The following IFT122 variants were observed in gnomAD, a reference collection of about 807,000 sequenced individuals.
The protein encoded by IFT122 is intraflagellar transport 122.
Under a neutral mutation model 161.6 loss-of-function variants are expected in IFT122, and 118 were observed. The observed-to-expected ratio is 0.73, with a 90% CI of 0.63 to 0.85. IFT122 has a LOEUF of 0.85. IFT122 is among the 40% of genes least tolerant of loss of function. The pLI is 0.00. For synonymous variants in IFT122, 550 were observed against 602.4 expected (o/e 0.91, Z 1.27); for missense variants, 1,381 against 1,579.6 (o/e 0.87, Z 2.13).
chr3:129,520,417 A>G lies in IFT122; in HGVS notation c.*152A>G, dbSNP rs1316453690. 2.9e-6 allele frequency: 2 copies of G among 697,054 alleles called. No individual in the cohort carries two copies. The highest frequency in any genetic ancestry group is 1.7e-5 in the African/African-American group (1 of 57,166). 43.2% of individuals were successfully genotyped at this position (697,054 alleles called of 1,614,324 possible). A position where few individuals can be genotyped will look rare whatever the true frequency, so the allele number is the denominator to read the frequency against. On this transcript the variant is annotated 3_prime_UTR_variant, in exon 30 of 30. Transcript: ENST00000348417. ...GGCCTTGTGTAACCACGGAATTCCT[A>G]TTTATGGCATTTCATGCCTTGTAAA...
chr3:129,460,764 A>G, intron 4 of IFT122: 2 of 991,034 alleles, frequency 2.0e-6, no homozygotes, highest in Non-Finnish European at 3.2e-6. Flanking sequence ...TATTACCCAC[A>G]AGTGAAGGAC....
At chr3:129,500,116 C>T in intron 19 of IFT122, 48 bp downstream of exon 19, 1 of 1,596,556 alleles carries the variant, frequency 6.3e-7, no homozygotes, top group Non-Finnish European at 8.6e-7. Context: ...CATGTCATCA[C>T]ATGTCACCTC....
intron 1 of IFT122, among the ~76,000 whole-genome samples, chr3:129,441,271 CT>C (rs1457391430): frequency 6.6e-6 from 1 of 152,210 alleles, no homozygotes; most frequent in Non-Finnish European, 1.5e-5. Flanking sequence ...CTTCTGAGAT[CT>C]TTCTCTGTGT....
intron 22 of IFT122, among the ~76,000 whole-genome samples, 181 bp from the exon 23 acceptor site, chr3:129,507,487 T>C (rs899682245): frequency 6.6e-6 from 1 of 152,222 alleles, no homozygotes; most frequent in African/African-American, 2.4e-5. Context: ...GGAGTGGCCC[T>C]ACTCCTAAGC....
rs1057440121 is a variant in IFT122 at position 129,519,646 on chromosome 3, A to G, written c.3550A>G (p.Lys1184Glu). ...RSMSRRDVLI[K>E]RWPPPLRWQY... ...CATGAGCCGCCGGGATGTCCTCATC[A>G]AGCGATGGCCCCCACCCCTGAGGTG... Residue 1184 changes from lysine to glutamate, a missense_variant, in exon 29 of 30, where the codon AAG becomes GAG. Lys to Glu is a moderately conservative substitution (Grantham distance 56). This residue lies in a region of IFT122 where 177 missense variants were observed against 199.2 expected (regional missense o/e 0.89). Transcript: ENST00000348417. 6.2e-7 allele frequency: 1 copy of G among 1,613,584 alleles called. No individual in the cohort carries two copies. The highest frequency in any genetic ancestry group is 1.3e-5 in the African/African-American group (1 of 74,900).
intron 2 of IFT122, 36 bp from the exon 3 acceptor site, chr3:129,451,878 A>G (rs1202843966): frequency 3.3e-6 from 5 of 1,530,092 alleles, no homozygotes; most frequent in Non-Finnish European, 4.5e-6. Context: ...ACTAATAGAT[A>G]TCACATAGAT....
At chr3:129,502,378 G>A (rs571427820) in intron 19 of IFT122, among the ~76,000 whole-genome samples, 123 of 152,346 alleles carry the variant, frequency 8.1e-4, no homozygotes, top group African/African-American at 2.9e-3. Flanking sequence ...TTAGGGTGGT[G>A]AAGATTCTGA....
intron 3 of IFT122, among the ~76,000 whole-genome samples, chr3:129,452,928 G>A (rs1446577382): frequency 6.6e-6 from 1 of 152,128 alleles, no homozygotes; most frequent in Non-Finnish European, 1.5e-5. Context: ...GGAGGGTGGA[G>A]CCAACTGGAT....
At chr3:129,517,660 G>A (rs1394167895) in intron 27 of IFT122, 66 bp downstream of exon 27, 1 of 1,589,360 alleles carries the variant, frequency 6.3e-7, no homozygotes, top group Non-Finnish European at 8.6e-7. Context: ...CAGGCGGGAA[G>A]TAGGAGGGCC....
chr3:129,440,396 G>T, intron 1 of IFT122, 25 bp downstream of exon 1: 2 of 1,550,154 alleles, frequency 1.3e-6, no homozygotes, highest in South Asian at 1.2e-5. Flanking sequence ...GGTTCGCGAA[G>T]AGCAGGAGGT....
intron 5 of IFT122, 101 bp from the exon 6 acceptor site, chr3:129,463,459 A>G: frequency 1.1e-6 from 1 of 889,400 alleles, no homozygotes; most frequent in Admixed American, 1.8e-5. Context: ...AAAATCCTGG[A>G]GATCCATCTA....
At chr3:129,483,361 C>T in intron 14 of IFT122, 124 bp from the exon 15 acceptor site, 1 of 829,852 alleles carries the variant, frequency 1.2e-6, no homozygotes, top group East Asian at 2.5e-5. Context: ...CATCCTTTTC[C>T]CTCCATCCCA....
rs748272790 is a variant in IFT122, at chr3:129,464,734, G to T, written c.516G>T (p.Pro172=). The T allele has an allele frequency of 6.2e-7, 1 of 1,613,992 alleles. No homozygotes were observed. The highest frequency in any genetic ancestry group is 1.1e-5 in the South Asian group (1 of 91,070). Residue 172 remains proline (P), a synonymous_variant, in exon 7 of 30, where the codon CCG becomes CCT. Transcript: ENST00000348417. The stretch of plus-strand genomic sequence containing the variant: ...AGGAGAAAGTAAAGATCGAGCGGCC[G>T]GGGGGCTCCCTCTCGCCAATATGGT... ...NGEEKVKIER[P]GGSLSPIWSI... is the part of the protein sequence containing the mutation.
At chr3:129,446,897 G>A (rs1374872116) in intron 1 of IFT122, among the ~76,000 whole-genome samples, 1 of 152,220 alleles carries the variant, frequency 6.6e-6, no homozygotes, top group East Asian at 1.9e-4. Flanking sequence ...TGTGTGTTTT[G>A]TTTTGAGTAA....
At position 129,464,621 on chromosome 3, in the gene IFT122, G is replaced by C; in HGVS notation, c.417-14G>C. The C allele has an allele frequency of 6.2e-7, 1 of 1,614,020 alleles. No homozygotes were observed. The highest frequency in any genetic ancestry group is 8.5e-7 in the Non-Finnish European group (1 of 1,179,992). On this transcript the variant is annotated splice_polypyrimidine_tract_variant and intron_variant, in intron 6 of 29. Coordinates refer to ENST00000348417, the MANE Select transcript of IFT122 (RefSeq NM_052989.3). ...TTCCCCTATCCCCATGCCTTTTGTT[G>C]GTTGTGTACACAGCTGGACAAATGA...
intron 17 of IFT122, 100 bp downstream of exon 17, chr3:129,492,294 C>G (rs1387739362): frequency 1.0e-6 from 1 of 967,266 alleles, no homozygotes; most frequent in Non-Finnish European, 1.7e-6. Flanking sequence ...GACATGGGAA[C>G]AGAGCTCACT....
At chr3:129,504,185 G>T (rs971243845) in intron 20 of IFT122, 134 bp from the exon 21 acceptor site, 126 of 662,016 alleles carry the variant, frequency 1.9e-4, no homozygotes, top group Middle Eastern at 4.5e-4. Context: ...GTAGTTTTTT[G>T]GGGGAGGCAC....
intron 7 of IFT122, among the ~76,000 whole-genome samples, chr3:129,466,267 G>T (rs1254156200): frequency 6.6e-6 from 1 of 152,106 alleles, no homozygotes; most frequent in Non-Finnish European, 1.5e-5. Context: ...AGGTTATTAT[G>T]CTTCTTCCTG....
intron 21 of IFT122, among the ~76,000 whole-genome samples, chr3:129,505,261 G>T (rs2082073650): frequency 6.6e-6 from 1 of 152,166 alleles, no homozygotes. Context: ...TGATTTTTCT[G>T]TTTTGCTGCC....
Sources: gnomAD v4.1 joint callset for allele counts (sites outside exome capture counted in the v4.1 genomes callset) on GRCh38, gnomAD v4.1.1 for gene constraint, gnomAD v4.1.1 regional missense constraint, MANE v1.5 for transcripts, NCBI Gene and HGNC (gene_info 2026-07-23, HGNC 2026-07-21) for gene names.